Variants in RASGRP1 observed in about 807,000 individuals in gnomAD.
RASGRP1 encodes RAS guanyl-releasing protein 1.
RASGRP1 carries 37 observed loss-of-function variants against 95.1 expected under a neutral mutation model. The ratio of observed to expected loss-of-function variants is 0.39; its 90% CI spans 0.30 to 0.51. The LOEUF (loss-of-function observed/expected upper bound fraction) is 0.51. Ranked by LOEUF, RASGRP1 falls within the 20% of genes least tolerant of loss-of-function variation. The pLI is 0.80. For synonymous variants in RASGRP1, 325 were observed against 353.4 expected (o/e 0.92, Z 0.90); for missense variants, 711 against 965.4 (o/e 0.74, Z 3.49).
At position 38,559,945 on chromosome 15, in the gene RASGRP1, G is replaced by T; in HGVS notation, c.96C>A (p.Asn32Lys). 1.2e-6 allele frequency: 2 copies of T among 1,613,636 alleles called. No individual in the cohort carries two copies. Among genetic ancestry groups the T allele is most frequent in the Non-Finnish European group, 1.7e-6 (2 of 1,179,698 alleles). The change falls in exon 2 of 17, where the codon AAC (asparagine) becomes AAA (lysine). Residue 32 changes from asparagine (N) to lysine (K), a missense_variant. Physicochemically the swap from Asn to Lys is moderately conservative, Grantham distance 94. Transcript: ENST00000310803. ...SKARLEAKPA[N>K]SPFPSHPSLA... The stretch of plus-strand genomic sequence containing the variant: ...AGCTGGGATGGGAGGGGAAGGGGCT[G>T]TTGGCTGGCTTTGCCTCTAGTCTTG...
At chr15:38,542,792 T>C (rs909791589) in intron 2 of RASGRP1, among the ~76,000 whole-genome samples, 1 of 149,200 alleles carries the variant, frequency 6.7e-6, no homozygotes, top group Non-Finnish European at 1.5e-5. Flanking sequence ...CTTTGTATAC[T>C]AGCATAAAAT....
chr15:38,531,644 A>G (rs759432017), intron 2 of RASGRP1, among the ~76,000 whole-genome samples: 1 of 151,706 alleles, frequency 6.6e-6, no homozygotes. Flanking sequence ...TAATCCTCAC[A>G]TGGTCTCTGT....
chr15:38,516,498 T>C lies in RASGRP1; in HGVS notation c.522-148A>G. 4 of 1,049,500 alleles carry C rather than the reference T, an allele frequency of 3.8e-6. No homozygotes were observed. In the South Asian group the frequency reaches 5.9e-5, roughly 15 times the overall value. 65.0% of individuals were successfully genotyped at this position (1,049,500 alleles called of 1,614,324 possible). On this transcript the variant is annotated intron_variant, in intron 5 of 16. Coordinates refer to ENST00000310803, the MANE Select transcript of RASGRP1 (RefSeq NM_005739.4). ...ATGCCAAAACAGTGCATTCACAGAG[T>C]TTCTCCAAATCAGTTTTTTTCCATG...
chr15:38,542,323 T>G (rs1308072853), intron 2 of RASGRP1, among the ~76,000 whole-genome samples: 1 of 152,132 alleles, frequency 6.6e-6, no homozygotes, highest in Non-Finnish European at 1.5e-5. Flanking sequence ...CCACTCTCAC[T>G]GCTTCATTGA....
At chr15:38,492,919 C>A (rs1273281619) in intron 16 of RASGRP1, among the ~76,000 whole-genome samples, 1 of 150,604 alleles carries the variant, frequency 6.6e-6, no homozygotes, top group Non-Finnish European at 1.5e-5. Context: ...CTCACTCAGT[C>A]GCCCAGGCTG....
chr15:38,554,122 C>T (rs572893298), intron 2 of RASGRP1, among the ~76,000 whole-genome samples: 83 of 143,416 alleles, frequency 5.8e-4, no homozygotes, highest in Middle Eastern at 7.0e-3. Flanking sequence ...TTATTCCTCA[C>T]GCCAAAGTTG....
chr15:38,557,601 A>ATG (rs5812045), intron 2 of RASGRP1, among the ~76,000 whole-genome samples: 13,848 of 145,254 alleles, frequency 0.095, 1,243 homozygotes, highest in African/African-American at 0.23. Flanking sequence ...TTGTATATAT[A>ATG]TGTGTGTGTG....
At chr15:38,555,512 G>T (rs912656077) in intron 2 of RASGRP1, among the ~76,000 whole-genome samples, 1 of 152,194 alleles carries the variant, frequency 6.6e-6, no homozygotes, top group Non-Finnish European at 1.5e-5. Flanking sequence ...TTAGGAGAGA[G>T]ATCCAGGCTT....
At chr15:38,519,791 A>C (rs570708936) in intron 3 of RASGRP1, among the ~76,000 whole-genome samples, 88 of 152,326 alleles carry the variant, frequency 5.8e-4, no homozygotes, top group African/African-American at 2.0e-3. Context: ...TTTATCTTTT[A>C]CAATGTTTCT....
intron 3 of RASGRP1, among the ~76,000 whole-genome samples, chr15:38,520,466 G>A (rs1891959001): frequency 6.6e-6 from 1 of 152,178 alleles, no homozygotes; most frequent in Non-Finnish European, 1.5e-5. Context: ...TCAGGAAGGA[G>A]ATCTGTGCAT....
chr15:38,503,425 T>C, intron 10 of RASGRP1, 49 bp from the exon 11 acceptor site: 1 of 1,334,546 alleles, frequency 7.5e-7, no homozygotes, highest in Non-Finnish European at 1.1e-6. Flanking sequence ...TGCAATATTA[T>C]AACCTATAGC....
rs752206174 is a variant in RASGRP1 at position 38,490,571 on chromosome 15, G to A, written c.2377C>T (p.Gln793Ter). 3 of 1,609,958 alleles carry A rather than the reference G, an allele frequency of 1.9e-6. No individual in the cohort carries two copies. The highest frequency in any genetic ancestry group is 2.5e-6 in the Non-Finnish European group (3 of 1,177,308). ...TTTCTGGGCTAAGAACAGTCACCCTGCTCCATTTGAGCTAAGACATGATTG... is the reference window on the plus strand; with the variant it reads ...TTTCTGGGCTAAGAACAGTCACCCTACTCCATTTGAGCTAAGACATGATTG... ...KSNHVLAQME[Q>*]GDCS Residue 793 changes from glutamine (Q) to a stop codon, truncating the protein, a stop_gained, in exon 17 of 17, where the codon CAG becomes TAG. Transcript: ENST00000310803. LOFTEE classifies it high-confidence loss of function.
chr15:38,558,387 T>C (rs952591127), intron 2 of RASGRP1, among the ~76,000 whole-genome samples: 19 of 152,234 alleles, frequency 1.2e-4, no homozygotes, highest in Non-Finnish European at 2.1e-4. Flanking sequence ...GAAATAAGAT[T>C]GAAGTATAAA....
intron 10 of RASGRP1, among the ~76,000 whole-genome samples, chr15:38,505,306 T>C (rs1595831618): frequency 6.6e-6 from 1 of 152,208 alleles, no homozygotes; most frequent in East Asian, 1.9e-4. Flanking sequence ...CTTCTCAGCA[T>C]AGGAGGTCAA....
chr15:38,526,147 A>C (rs1595859595), intron 3 of RASGRP1, 152 bp downstream of exon 3: 1 of 642,104 alleles, frequency 1.6e-6, no homozygotes, highest in East Asian at 2.8e-5. Flanking sequence ...CACACCCCCA[A>C]CACATGCACC....
chr15:38,500,332 G>A (rs1358452789), intron 13 of RASGRP1, among the ~76,000 whole-genome samples, 193 bp from the exon 14 acceptor site: 1 of 150,412 alleles, frequency 6.6e-6, no homozygotes, highest in Non-Finnish European at 1.5e-5. Flanking sequence ...AGTTTCTCAA[G>A]AAGCAGGTTT....
chr15:38,532,252 G>A (rs1892469700), intron 2 of RASGRP1, among the ~76,000 whole-genome samples: 1 of 152,144 alleles, frequency 6.6e-6, no homozygotes, highest in South Asian at 2.1e-4. Flanking sequence ...AATAAAATGT[G>A]CGTATTTTTT....
At chr15:38,546,634 C>T (rs984179528) in intron 2 of RASGRP1, among the ~76,000 whole-genome samples, 10 of 152,092 alleles carry the variant, frequency 6.6e-5, no homozygotes, top group East Asian at 1.9e-4. Flanking sequence ...ATTAAGACAC[C>T]GGCTAAGGGA....
intron 10 of RASGRP1, 57 bp downstream of exon 10, chr15:38,505,783 C>A: frequency 1.5e-6 from 2 of 1,362,200 alleles, no homozygotes; most frequent in Admixed American, 1.8e-5. Flanking sequence ...TGAATGAACT[C>A]GAGGAGAAGC....
Sources: allele counts gnomAD v4.1 joint callset (sites outside exome capture counted in the v4.1 genomes callset), GRCh38; gene constraint gnomAD v4.1.1; transcripts MANE v1.5; gene names NCBI Gene and HGNC (gene_info 2026-07-23, HGNC 2026-07-21).